MAP2: variants seen among roughly 807,000 people sequenced by gnomAD.
MAP2 encodes the protein microtubule-associated protein 2.
A neutral mutation model predicts 137.6 loss-of-function variants in MAP2; 14 were observed. The observed-to-expected ratio is 0.10, with a 90% CI of 0.07 to 0.16. The LOEUF (loss-of-function observed/expected upper bound fraction) is 0.16, where lower values mean the gene tolerates loss of function less well. Ranked by LOEUF, MAP2 falls within the 10% of genes least tolerant of loss-of-function variation. MAP2 has a pLI of 1.00. For missense variants in MAP2, 2,088 were observed against 2,191.5 expected (o/e 0.95, Z 0.94); for synonymous variants, 786 against 782.3 (o/e 1.00, Z -0.08).
intron 3 of MAP2, among the ~76,000 whole-genome samples, chr2:209,593,802 T>A (rs1202989512): frequency 4.1e-5 from 1 of 24,310 alleles, no homozygotes; most frequent in African/African-American, 1.3e-4. Context: ...TTATATATAA[T>A]ATATAATATA....
intron 3 of MAP2, among the ~76,000 whole-genome samples, chr2:209,594,686 C>T (rs2080764240): frequency 6.6e-6 from 1 of 152,126 alleles, no homozygotes; most frequent in Admixed American, 6.5e-5. Context: ...ATATTTTTTA[C>T]TCTGAATATT....
chr2:209,599,348 G>A (rs28517694), intron 3 of MAP2, among the ~76,000 whole-genome samples: 8,660 of 151,766 alleles, frequency 0.057, 582 homozygotes, highest in South Asian at 0.23. Context: ...CTGGATATTA[G>A]CCCTTTGTCA....
At chr2:209,657,033 A>G (rs1267299969) in intron 5 of MAP2, among the ~76,000 whole-genome samples, 3 of 151,872 alleles carry the variant, frequency 2.0e-5, no homozygotes, top group Non-Finnish European at 4.4e-5. Flanking sequence ...ATGGTATTTG[A>G]TTTTCTCTTT....
chr2:209,499,993 C>T (rs1347016205), intron 1 of MAP2, among the ~76,000 whole-genome samples: 2 of 152,176 alleles, frequency 1.3e-5, no homozygotes, highest in African/African-American at 4.8e-5. Flanking sequence ...ATCACAGTCT[C>T]AGCAGACTAA....
chr2:209,452,085 A>G (rs1700446796), intron 1 of MAP2, among the ~76,000 whole-genome samples: 1 of 152,224 alleles, frequency 6.6e-6, no homozygotes, highest in Non-Finnish European at 1.5e-5. Context: ...ACCCAAAAGA[A>G]CACCTTGAAA....
intron 4 of MAP2, among the ~76,000 whole-genome samples, chr2:209,650,138 TGA>T (rs904856446): frequency 5.9e-5 from 9 of 152,202 alleles, no homozygotes; most frequent in African/African-American, 2.2e-4. Context: ...CAAATGTAAC[TGA>T]GAGTTGTGGG....
At chr2:209,540,660 A>AAAAAAAGAAG (rs1577569192) in intron 2 of MAP2, among the ~76,000 whole-genome samples, 4 of 129,206 alleles carry the variant, frequency 3.1e-5, no homozygotes, top group South Asian at 4.9e-4. Flanking sequence ...AAAAAAAAAA[A>AAAAAAAGAAG]AAGAAGAAAA....
At chr2:209,671,167 C>T (rs945048348) in intron 5 of MAP2, among the ~76,000 whole-genome samples, 12 of 151,882 alleles carry the variant, frequency 7.9e-5, no homozygotes, top group East Asian at 3.9e-4. Context: ...AGATCTGTAG[C>T]TGCAATGTTG....
intron 3 of MAP2, among the ~76,000 whole-genome samples, chr2:209,593,756 TATAA>T (rs2080221541): frequency 1.2e-3 from 1 of 842 alleles, no homozygotes; most frequent in Non-Finnish European, 0.029. Context: ...TTATATTATA[TATAA>T]TATATAATAT....
intron 2 of MAP2, among the ~76,000 whole-genome samples, chr2:209,517,682 C>T (rs2062708078): frequency 6.6e-6 from 1 of 151,868 alleles, no homozygotes; most frequent in Non-Finnish European, 1.5e-5. Flanking sequence ...GATATTCAAA[C>T]AATGTACCAT....
chr2:209,444,973 G>T (rs1167160301), intron 1 of MAP2, among the ~76,000 whole-genome samples: 2 of 150,900 alleles, frequency 1.3e-5, no homozygotes, highest in African/African-American at 2.4e-5. Context: ...TACAGACATG[G>T]TTTTTTTTGT....
chr2:209,725,613 G>A (rs2073640054), intron 13 of MAP2, 96 bp from the exon 14 acceptor site: 2 of 619,254 alleles, frequency 3.2e-6, no homozygotes, highest in African/African-American at 3.8e-5. Flanking sequence ...GTTGTTGCAT[G>A]TTGTGACTTT....
intron 1 of MAP2, among the ~76,000 whole-genome samples, chr2:209,495,336 T>C (rs2059620112): frequency 6.6e-6 from 1 of 152,228 alleles, no homozygotes; most frequent in African/African-American, 2.4e-5. Flanking sequence ...CGAGCTCTGC[T>C]AAGGGACAGA....
At chr2:209,448,915 C>CA (rs1699719033) in intron 1 of MAP2, among the ~76,000 whole-genome samples, 1 of 152,162 alleles carries the variant, frequency 6.6e-6, no homozygotes, top group African/African-American at 2.4e-5. Flanking sequence ...ACCACCATAC[C>CA]ATGTGGTAGC....
intron 1 of MAP2, among the ~76,000 whole-genome samples, chr2:209,428,808 C>A (rs1272456702): frequency 6.6e-6 from 1 of 152,118 alleles, no homozygotes; most frequent in Non-Finnish European, 1.5e-5. Context: ...AGAAAAGTTA[C>A]TACCCTATTT....
rs140194857 is a variant in MAP2, at chr2:209,693,307, G to A, written c.1137G>A (p.Met379Ile). The part of the protein sequence containing the change: ...EEPHEAKPDK[M>I]AEAPPSEAMT... ...CCCATGAGGCTAAACCTGACAAAAT[G>A]GCAGAAGCACCACCCTCAGAGGCAA... Residue 379 changes from methionine (M) to isoleucine (I), a missense_variant, in exon 8 of 16, where the codon ATG becomes ATA. By Grantham distance (10) the Met-to-Ile change is conservative. Around this residue, in one of 6 missense-constraint regions of MAP2, gnomAD observed 859 missense variants for 794.5 expected, o/e 1.08. Coordinates refer to ENST00000682079, the MANE Select transcript of MAP2 (RefSeq NM_001375505.1). 1.7e-5 allele frequency: 28 copies of A among 1,613,800 alleles called. No individual in the cohort carries two copies. In the African/African-American group the frequency reaches 2.8e-4, roughly 16 times the overall value.
At chr2:209,447,732 T>C (rs1699408513) in intron 1 of MAP2, among the ~76,000 whole-genome samples, 1 of 152,016 alleles carries the variant, frequency 6.6e-6, no homozygotes, top group Non-Finnish European at 1.5e-5. Context: ...TTCTCTAAGT[T>C]TGAGACCTGT....
intron 4 of MAP2, among the ~76,000 whole-genome samples, chr2:209,625,450 A>G (rs529567018): frequency 1.3e-5 from 2 of 152,196 alleles, no homozygotes; most frequent in African/African-American, 4.8e-5. Flanking sequence ...TTACATGCCA[A>G]GCATGATCCT....
intron 2 of MAP2, among the ~76,000 whole-genome samples, chr2:209,539,124 G>A (rs1179789587): frequency 2.0e-5 from 3 of 151,986 alleles, no homozygotes; most frequent in Admixed American, 2.0e-4. Context: ...TTTAAACCTT[G>A]TGTTTATTTG....
Sources: allele counts gnomAD v4.1 joint callset (sites outside exome capture counted in the v4.1 genomes callset), GRCh38; gene constraint gnomAD v4.1.1; regional missense constraint gnomAD v4.1.1; transcripts MANE v1.5; gene names NCBI Gene and HGNC (gene_info 2026-07-23, HGNC 2026-07-21).